Variants in ZNF462 observed in about 807,000 individuals in gnomAD.
ZNF462 encodes zinc finger protein 462.
Under a neutral mutation model 201.9 loss-of-function variants are expected in ZNF462, and 10 were observed. The ratio of observed to expected loss-of-function variants is 0.05; its 90% CI spans 0.03 to 0.08. ZNF462 has a LOEUF of 0.08. Among genes scored for constraint, ZNF462 ranks in the 10% least tolerant of loss-of-function variants. ZNF462 has a pLI of 1.00. For synonymous variants in ZNF462, 1,227 were observed against 1,193.3 expected, an observed-to-expected ratio of 1.03 and a Z score of -0.58; for missense variants, 2,523 against 3,168.3, an observed-to-expected ratio of 0.80 and a Z score of 4.89.
At chr9:106,861,613 A>T (rs1188801686), upstream of ZNF462, among the ~76,000 whole-genome samples, 1 of 152,236 alleles carries the variant, frequency 6.6e-6, no homozygotes, top group African/African-American at 2.4e-5. Context: ...GAAATGGTAC[A>T]ATCAGCCCAT....
chr9:106,863,111 GGAGAGAGA>G (rs138922616), upstream of ZNF462: 1 of 378,958 alleles, frequency 2.6e-6, no homozygotes, highest in Non-Finnish European at 4.7e-6. Flanking sequence ...AGGGAGGGAG[GGAGAGAGA>G]GAGAGAGGGA....
intron 1 of ZNF462, among the ~76,000 whole-genome samples, chr9:106,901,467 T>G: frequency 6.6e-6 from 1 of 152,170 alleles, no homozygotes; most frequent in Non-Finnish European, 1.5e-5. Context: ...ATGGTGGTAT[T>G]CTGACGGAGA....
chr9:106,931,537 G>T (rs1457797745), intron 4 of ZNF462, among the ~76,000 whole-genome samples: 2 of 152,174 alleles, frequency 1.3e-5, no homozygotes, highest in African/African-American at 4.8e-5. Context: ...GAAGACTGAA[G>T]CTTTCTGTCT....
intron 6 of ZNF462, among the ~76,000 whole-genome samples, chr9:106,936,144 G>A (rs1175284257): frequency 6.6e-6 from 1 of 152,166 alleles, no homozygotes; most frequent in East Asian, 1.9e-4. Flanking sequence ...TCATATTGTT[G>A]TTCCATCTCA....
In ZNF462 at chr9:106,972,415, C is replaced by A; in HGVS notation, c.6695+143C>A. ...TGATGTAGGGGTTGGGTCCAGGCTT[C>A]ATGGAAGGAGGGTAGTTTCAGAAGA... On this transcript the variant is annotated intron_variant, in intron 8 of 12. Coordinates refer to ENST00000277225, the MANE Select transcript of ZNF462 (RefSeq NM_021224.6). This position sits in a 1 kb window ranked among gnomAD's most constrained non-coding sequence, Gnocchi z 4.8. 8.4e-7 allele frequency: 1 copy of A among 1,190,128 alleles called. No homozygotes were observed. Among genetic ancestry groups the A allele is most frequent in the Non-Finnish European group, 1.2e-6 (1 of 862,638 alleles). The allele number at this position is 1,190,128 out of a possible 1,614,324, so 73.7% of individuals were successfully genotyped here.
In ZNF462 at chr9:106,924,361, A is replaced by G. The variant is rs1453394773; in HGVS notation, c.449A>G (p.Tyr150Cys). 4 of 1,614,190 alleles carry G rather than the reference A, an allele frequency of 2.5e-6. No homozygotes were observed. In the South Asian group the frequency reaches 3.3e-5, roughly 13 times the overall value. Reference sequence around the variant, plus strand: ...CCCCCTGTCCCGGGATCCTTAAATTATAATATCATGATGCACGAGGGATTT... The same window carrying G: ...CCCCCTGTCCCGGGATCCTTAAATTGTAATATCATGATGCACGAGGGATTT... The part of the protein sequence containing the change: ...SGPPVPGSLN[Y>C]NIMMHEGFGK... The change falls in exon 3 of 13, where the codon TAT becomes TGT. Residue 150 changes from tyrosine (Y) to cysteine (C), a missense_variant. By Grantham distance (194) the Tyr-to-Cys change is radical. Around this residue, in one of 15 missense-constraint regions of ZNF462, gnomAD observed 480 missense variants for 544.4 expected, o/e 0.88. Coordinates refer to ENST00000277225, the MANE Select transcript of ZNF462 (RefSeq NM_021224.6). This position sits in a 1 kb window ranked among gnomAD's most constrained non-coding sequence, Gnocchi z 6.2.
rs972771695 is a variant in ZNF462, at chr9:106,924,054, A to T, written c.221-79A>T. 1.1e-5 allele frequency: 14 copies of T among 1,225,752 alleles called. No homozygotes were observed. The highest frequency in any genetic ancestry group is 1.5e-5 in the African/African-American group (1 of 65,698). 75.9% of individuals were successfully genotyped at this position (1,225,752 alleles called of 1,614,324 possible). The stretch of plus-strand genomic sequence containing the variant: ...ATGTGATGTTTAGTAATGAAGAATA[A>T]TTGGAATGGTACTGATTTGCATGAT... On this transcript the variant is annotated intron_variant, in intron 2 of 12. Coordinates refer to ENST00000277225, the MANE Select transcript of ZNF462 (RefSeq NM_021224.6). The surrounding 1 kb of genome is among the most constrained non-coding windows in gnomAD (Gnocchi z 6.2).
rs1828786016 is a variant in ZNF462 at position 106,895,795 on chromosome 9, G to A, written c.-30-27559G>A. ...ATGGAAACAAAAACTTGGAACTCCT[G>A]TAATGCCATCTTTTTGGGGGTGGGA... On this transcript the variant is annotated intron_variant, in intron 1 of 12. Coordinates refer to ENST00000277225, the MANE Select transcript of ZNF462 (RefSeq NM_021224.6). The surrounding 1 kb of genome is among the most constrained non-coding windows in gnomAD (Gnocchi z 4.4). Among the ~76,000 whole-genome samples the A allele has an allele frequency of 6.6e-6, 1 of 152,148 alleles. No individual in the cohort carries two copies. The highest frequency in any genetic ancestry group is 1.9e-4 in the East Asian group (1 of 5,196).
At chr9:106,992,287 A>G (rs1380701572) in intron 10 of ZNF462, among the ~76,000 whole-genome samples, 1 of 152,108 alleles carries the variant, frequency 6.6e-6, no homozygotes, top group Non-Finnish European at 1.5e-5. Flanking sequence ...AGACAATAAT[A>G]AGATTTTACT....
rs996108707 is a variant in ZNF462, at chr9:106,872,245, T to A, written c.-31+8890T>A. On this transcript the variant is annotated intron_variant, in intron 1 of 12. Transcript: ENST00000277225. This position sits in a 1 kb window ranked among gnomAD's most constrained non-coding sequence, Gnocchi z 4.5. ...ACCAAAGATAGATACCAGCTACAAGTACTTATCACCCAGAATCTTTTCTCT... is the reference window on the plus strand; with the variant it reads ...ACCAAAGATAGATACCAGCTACAAGAACTTATCACCCAGAATCTTTTCTCT... 6.6e-6 allele frequency among the ~76,000 whole-genome samples: 1 copy of A among 152,248 alleles called. No homozygotes were observed. Among genetic ancestry groups the A allele is most frequent in the Non-Finnish European group, 1.5e-5 (1 of 68,034 alleles).
chr9:106,879,240 A>G (rs1827974933), intron 1 of ZNF462, among the ~76,000 whole-genome samples: 1 of 151,540 alleles, frequency 6.6e-6, no homozygotes, highest in Non-Finnish European at 1.5e-5. Context: ...ACAGTACAGG[A>G]TGTGTAATGT....
intron 1 of ZNF462, among the ~76,000 whole-genome samples, chr9:106,904,147 T>A (rs1250457970): frequency 1.3e-5 from 2 of 149,940 alleles, no homozygotes. Context: ...CTCCCAGCAT[T>A]TGTTTGTCTG....
intron 9 of ZNF462, chr9:106,979,031 AC>A (rs972971971): frequency 7.9e-5 from 15 of 189,140 alleles, no homozygotes; most frequent in Non-Finnish European, 1.4e-4. Context: ...CCTTGATAAT[AC>A]AATAGGGGAC....
chr9:106,878,420 T>C (rs907149878), intron 1 of ZNF462, among the ~76,000 whole-genome samples: 16 of 152,180 alleles, frequency 1.1e-4, no homozygotes, highest in Non-Finnish European at 8.8e-5. Context: ...TGTGGGATGA[T>C]AGAGTTGGAA....
At chr9:106,868,488 C>A (rs972891147) in intron 1 of ZNF462, among the ~76,000 whole-genome samples, 2 of 152,178 alleles carry the variant, frequency 1.3e-5, no homozygotes, top group Admixed American at 1.3e-4. Flanking sequence ...AATATTATTT[C>A]TCATGCAGAA....
chr9:106,960,288 C>T (rs1831772115), intron 7 of ZNF462, among the ~76,000 whole-genome samples: 1 of 152,104 alleles, frequency 6.6e-6, no homozygotes, highest in African/African-American at 2.4e-5. Context: ...GCTCTCACAG[C>T]ACTGTTCATA....
At chr9:106,934,056 T>C (rs973559695) in intron 5 of ZNF462, among the ~76,000 whole-genome samples, 15 of 152,168 alleles carry the variant, frequency 9.9e-5, no homozygotes, top group African/African-American at 3.6e-4. Flanking sequence ...AAAATAATTA[T>C]AATTGCTAAC....
rs1241186504 is a variant in ZNF462 at position 106,900,580 on chromosome 9, T to C, written c.-30-22774T>C. Among the ~76,000 whole-genome samples the C allele has an allele frequency of 2.6e-5, 4 of 152,230 alleles. No homozygotes were observed. The East Asian group carries it at 5.8e-4, about 22-fold the overall frequency. Reference sequence around the variant, plus strand: ...TTTTTTGATTTTTTGATTATGGCCATTCTTGCAGGAGTAAGATGGCATTGC... The same window carrying C: ...TTTTTTGATTTTTTGATTATGGCCACTCTTGCAGGAGTAAGATGGCATTGC... On this transcript the variant is annotated intron_variant, in intron 1 of 12. Coordinates refer to ENST00000277225, the MANE Select transcript of ZNF462 (RefSeq NM_021224.6).
intron 8 of ZNF462, among the ~76,000 whole-genome samples, chr9:106,973,472 A>G (rs1473477406): frequency 6.6e-6 from 1 of 152,242 alleles, no homozygotes; most frequent in African/African-American, 2.4e-5. Context: ...CCAGAGGGCA[A>G]GGGCCGACAG....
Sources: gnomAD v4.1 joint callset for allele counts (sites outside exome capture counted in the v4.1 genomes callset) on GRCh38, gnomAD v4.1.1 for gene constraint, gnomAD v4.1.1 regional missense constraint, Gnocchi (gnomAD v3.1) non-coding constraint, MANE v1.5 for transcripts, NCBI Gene and HGNC (gene_info 2026-07-23, HGNC 2026-07-21) for gene names.